EFHC2: variants seen among roughly 807,000 people sequenced by gnomAD.
EFHC2 encodes the protein EF-hand domain-containing family member C2.
A neutral mutation model predicts 52.7 loss-of-function variants in EFHC2; 18 were observed. The ratio of observed to expected loss-of-function variants is 0.34; its 90% CI spans 0.24 to 0.51. EFHC2 has a LOEUF of 0.51. Ranked by LOEUF, EFHC2 falls within the 20% of genes least tolerant of loss-of-function variation. EFHC2 has a pLI of 0.97. For synonymous variants in EFHC2, 203 were observed against 204.1 expected (o/e 0.99, Z 0.04); for missense variants, 513 against 562.5 (o/e 0.91, Z 0.89).
chrX:44,209,501 C>A (rs985903087), intron 11 of EFHC2, among the ~76,000 whole-genome samples: 10 of 110,984 alleles, frequency 9.0e-5, no homozygotes, highest in Non-Finnish European at 1.5e-4. Flanking sequence ...GATCAATATA[C>A]AAATATCAAT....
At chrX:44,208,358 G>T (rs2037065050) in intron 11 of EFHC2, among the ~76,000 whole-genome samples, 1 of 111,976 alleles carries the variant, frequency 8.9e-6, no homozygotes, top group Non-Finnish European at 1.9e-5. Context: ...GCAGCTAGAG[G>T]CCATTATCTT....
rs768477396 is a variant in EFHC2 at position 44,298,601 on chromosome X, G to A, written c.231+13967C>T. 2.7e-5 allele frequency among the ~76,000 whole-genome samples: 3 copies of A among 111,166 alleles called. No individual in the cohort carries two copies. The South Asian group carries it at 1.1e-3, about 42-fold the overall frequency. On this transcript the variant is annotated intron_variant, in intron 2 of 14. Coordinates refer to ENST00000420999, the MANE Select transcript of EFHC2 (RefSeq NM_025184.4). ...ATTTTGGCCAGGTGTGGTGGCTCAT[G>A]CCTGTAATGCCAGCGCTTTGGGAGG...
intron 11 of EFHC2, among the ~76,000 whole-genome samples, chrX:44,223,623 T>G (rs2037210764): frequency 8.9e-6 from 1 of 112,001 alleles, no homozygotes; most frequent in Non-Finnish European, 1.9e-5. Context: ...ATCTTTTTGA[T>G]TCCCAGGCTA....
chrX:44,303,224 AG>A (rs1372710567), intron 2 of EFHC2, among the ~76,000 whole-genome samples: 1 of 111,276 alleles, frequency 9.0e-6, no homozygotes, highest in Non-Finnish European at 1.9e-5. Flanking sequence ...ACATCAGACA[AG>A]GCCACTCTGT....
chrX:44,314,800 C>T (rs551615022), intron 1 of EFHC2, among the ~76,000 whole-genome samples: 1 of 111,752 alleles, frequency 8.9e-6, no homozygotes, highest in African/African-American at 3.3e-5. Context: ...AAAGTCACCT[C>T]GAACCAACAA....
At chrX:44,272,894 T>C in intron 2 of EFHC2, 58 bp from the exon 3 acceptor site, 1 of 1,002,331 alleles carries the variant, frequency 1.0e-6, no homozygotes, top group Non-Finnish European at 1.4e-6. Context: ...AAACTTAAAA[T>C]TAACAAAGCA....
intron 9 of EFHC2, 119 bp downstream of exon 9, chrX:44,235,186 T>C: frequency 3.1e-6 from 2 of 635,453 alleles, no homozygotes; most frequent in Non-Finnish European, 2.2e-6. Flanking sequence ...GGTTTTTTTT[T>C]ATAAAGCCTC....
intron 2 of EFHC2, among the ~76,000 whole-genome samples, chrX:44,293,760 C>G (rs1400115933): frequency 8.9e-6 from 1 of 111,919 alleles, no homozygotes; most frequent in Non-Finnish European, 1.9e-5. Context: ...CAACACCATA[C>G]TCTCCTGTAA....
chrX:44,184,194 G>C (rs1473068435), intron 11 of EFHC2, among the ~76,000 whole-genome samples: 1 of 111,513 alleles, frequency 9.0e-6, no homozygotes, highest in Non-Finnish European at 1.9e-5. Flanking sequence ...CCCCTCCTCT[G>C]CTGTCGCTAG....
chrX:44,342,333 A>G (rs2038155998), intron 1 of EFHC2, among the ~76,000 whole-genome samples: 1 of 112,320 alleles, frequency 8.9e-6, no homozygotes, highest in African/African-American at 3.2e-5. Flanking sequence ...CCTGCTTTCT[A>G]AAGTTATCAA....
At chrX:44,342,885 A>AAAAAAAAAAG (rs1569312396) in intron 1 of EFHC2, among the ~76,000 whole-genome samples, 3 of 107,965 alleles carry the variant, frequency 2.8e-5, no homozygotes, top group African/African-American at 1.0e-4. Context: ...CAAAAAAAAA[A>AAAAAAAAAAG]AAAGAAATGA....
chrX:44,150,912 G>T (rs773201090), intron 14 of EFHC2, among the ~76,000 whole-genome samples: 1 of 111,306 alleles, frequency 9.0e-6, no homozygotes, highest in Admixed American at 9.6e-5. Flanking sequence ...TGAGCAAAAT[G>T]AGATCATACC....
At chrX:44,222,462 A>T (rs2037201175) in intron 11 of EFHC2, among the ~76,000 whole-genome samples, 1 of 112,242 alleles carries the variant, frequency 8.9e-6, no homozygotes, top group Non-Finnish European at 1.9e-5. Flanking sequence ...CCAGCTTTCA[A>T]CCTATAAACC....
intron 2 of EFHC2, chrX:44,309,936 T>C: frequency 2.0e-6 from 2 of 988,493 alleles, no homozygotes; most frequent in Non-Finnish European, 2.9e-6. Context: ...GATGTAAGTG[T>C]CAATAAGGAG....
intron 3 of EFHC2, among the ~76,000 whole-genome samples, chrX:44,271,040 T>G (rs2147351369): frequency 8.9e-6 from 1 of 111,897 alleles, no homozygotes; most frequent in South Asian, 3.8e-4. Context: ...GAACCTACCC[T>G]ATCTCTTTCC....
chrX:44,309,332 G>A, intron 2 of EFHC2: 2 of 748,332 alleles, frequency 2.7e-6, no homozygotes, highest in Non-Finnish European at 4.2e-6. Flanking sequence ...CAGCATTTAA[G>A]GTAAAAGAAT....
At chrX:44,287,026 T>TAA (rs57970615) in intron 2 of EFHC2, among the ~76,000 whole-genome samples, 1,078 of 15,137 alleles carry the variant, frequency 0.071, 76 homozygotes, top group Admixed American at 0.12. Flanking sequence ...CTCCCATCTC[T>TAA]AAAAAAAAAA....
intron 1 of EFHC2, among the ~76,000 whole-genome samples, chrX:44,334,636 C>T (rs748973949): frequency 9.0e-6 from 1 of 111,165 alleles, no homozygotes; most frequent in East Asian, 2.8e-4. Flanking sequence ...CCACCACGCC[C>T]GGCTAGTTTT....
At chrX:44,301,968 T>C (rs1447268136) in intron 2 of EFHC2, among the ~76,000 whole-genome samples, 1 of 112,349 alleles carries the variant, frequency 8.9e-6, no homozygotes, top group East Asian at 2.8e-4. Context: ...CGAATAATGA[T>C]GCTATAAACA....
Sources: allele counts gnomAD v4.1 joint callset (sites outside exome capture counted in the v4.1 genomes callset), GRCh38; gene constraint gnomAD v4.1.1; transcripts MANE v1.5; gene names NCBI Gene and HGNC (gene_info 2026-07-23, HGNC 2026-07-21).